The following MARK1 variants were observed in gnomAD, a reference collection of about 807,000 sequenced individuals.
The protein encoded by MARK1 is microtubule affinity regulating kinase 1.
MARK1 carries 40 observed loss-of-function variants against 96.3 expected under a neutral mutation model. That is an observed-to-expected ratio of 0.42 (90% confidence interval 0.32 to 0.54). The LOEUF (loss-of-function observed/expected upper bound fraction) is 0.54, where lower values mean the gene tolerates loss of function less well. Among genes scored for constraint, MARK1 ranks in the 20% least tolerant of loss-of-function variants. The pLI is 0.16. For synonymous variants in MARK1, 317 were observed against 341.2 expected (o/e 0.93, Z 0.78); for missense variants, 719 against 984.6 (o/e 0.73, Z 3.61).
At position 220,640,131 on chromosome 1, in the gene MARK1, G is replaced by A. The variant is rs776316898; in HGVS notation, c.1470+4105G>A. Among the ~76,000 whole-genome samples the A allele has an allele frequency of 3.8e-4, 58 of 152,274 alleles. 1 individual carries two copies. Among genetic ancestry groups the A allele is most frequent in the Middle Eastern group, 3.4e-3 (1 of 294 alleles). On this transcript the variant is annotated intron_variant, in intron 13 of 17. Coordinates refer to ENST00000366917, the MANE Select transcript of MARK1 (RefSeq NM_018650.5). ...TTTACAATTCAAGCCCTGTAATAGT[G>A]TAAAATATTGCCTGAACAAATGAAC...
intron 3 of MARK1, among the ~76,000 whole-genome samples, chr1:220,593,998 A>G (rs1413357028): frequency 2.0e-5 from 3 of 152,204 alleles, no homozygotes; most frequent in Non-Finnish European, 4.4e-5. Flanking sequence ...TTGAGGGAAT[A>G]TGACTTCTGG....
chr1:220,616,020 T>TAAAAAAAAA, intron 7 of MARK1, 25 bp downstream of exon 7: 1 of 857,240 alleles, frequency 1.2e-6, no homozygotes, highest in Non-Finnish European at 1.8e-6. Context: ...GTAATTTTTT[T>TAAAAAAAAA]AAAAAAAAAA....
intron 5 of MARK1, among the ~76,000 whole-genome samples, chr1:220,601,334 A>G (rs1665737817): frequency 6.6e-6 from 1 of 151,778 alleles, no homozygotes; most frequent in Admixed American, 6.6e-5. Flanking sequence ...GTCACCTGAA[A>G]AAAATATTTC....
chr1:220,650,732 A>C lies in MARK1; in HGVS notation c.1571+12A>C. On this transcript the variant is annotated intron_variant, in intron 14 of 17. Transcript: ENST00000366917. ...GGAAAAGACAGCAGGTAAATGCCACAGTGCCAAGTAGTAATACCTTTGCTG... is the reference window on the plus strand; with the variant it reads ...GGAAAAGACAGCAGGTAAATGCCACCGTGCCAAGTAGTAATACCTTTGCTG... 1.9e-6 allele frequency: 3 copies of C among 1,568,230 alleles called. No individual in the cohort carries two copies. The highest frequency in any genetic ancestry group is 1.8e-6 in the Non-Finnish European group (2 of 1,139,182).
At chr1:220,577,771 A>G (rs1558271323) in intron 1 of MARK1, among the ~76,000 whole-genome samples, 1 of 152,206 alleles carries the variant, frequency 6.6e-6, no homozygotes. Flanking sequence ...AAAATTGTTT[A>G]TAATAGGGTG....
chr1:220,552,290 T>C (rs551088273), intron 1 of MARK1, among the ~76,000 whole-genome samples: 2 of 152,294 alleles, frequency 1.3e-5, no homozygotes, highest in Middle Eastern at 6.8e-3. Context: ...ATTTTTTTAC[T>C]AATGGATCAC....
chr1:220,539,308 C>A (rs988229961), intron 1 of MARK1, among the ~76,000 whole-genome samples: 1 of 151,992 alleles, frequency 6.6e-6, no homozygotes, highest in Admixed American at 6.6e-5. Context: ...AAGGCCTTTT[C>A]TGCATCTATT....
rs1209344546 is a variant in MARK1, at chr1:220,618,694, A to C, written c.848A>C (p.Asp283Ala). The change falls in exon 9 of 18, where the codon GAC becomes GCC. Residue 283 changes from aspartate to alanine, a missense_variant. This residue lies in a region of MARK1 where 96 missense variants were observed against 213.1 expected (regional missense o/e 0.45). Coordinates refer to ENST00000366917, the MANE Select transcript of MARK1 (RefSeq NM_018650.5). The surrounding 1 kb of genome is among the most constrained non-coding windows in gnomAD (Gnocchi z 4.6). Reference sequence around the variant, plus strand: ...CGTATTCCCTTCTATATGTCCACAGACTGTGAAAATCTTCTGAAGAAATTA... The same window carrying C: ...CGTATTCCCTTCTATATGTCCACAGCCTGTGAAAATCTTCTGAAGAAATTA... ...KYRIPFYMSTDCENLLKKLLV... is the reference protein window; with the variant it reads ...KYRIPFYMSTACENLLKKLLV... 1 of 1,612,788 alleles carries C rather than the reference A, an allele frequency of 6.2e-7. No individual in the cohort carries two copies. Among genetic ancestry groups the C allele is most frequent in the Non-Finnish European group, 8.5e-7 (1 of 1,179,288 alleles).
chr1:220,545,638 C>T (rs1321130973), intron 1 of MARK1, among the ~76,000 whole-genome samples: 4 of 151,864 alleles, frequency 2.6e-5, no homozygotes. Flanking sequence ...GGAGTTTCGA[C>T]ATGTTGCCCA....
intron 1 of MARK1, among the ~76,000 whole-genome samples, chr1:220,560,544 G>C (rs1662598196): frequency 6.6e-6 from 1 of 152,128 alleles, no homozygotes; most frequent in South Asian, 2.1e-4. Context: ...GTAAAATAGA[G>C]TTACTCAAAC....
At chr1:220,534,819 C>T (rs910474134) in intron 1 of MARK1, among the ~76,000 whole-genome samples, 9 of 152,144 alleles carry the variant, frequency 5.9e-5, no homozygotes, top group Non-Finnish European at 8.8e-5. Flanking sequence ...GCACAATGCT[C>T]TTAAGGTTCA....
rs1472901451 is a variant in MARK1, at chr1:220,663,240, A to G, written c.*1074A>G. On this transcript the variant is annotated 3_prime_UTR_variant, in exon 18 of 18. Coordinates refer to ENST00000366917, the MANE Select transcript of MARK1 (RefSeq NM_018650.5). ...GACTTGTGAGCAAAACATACTATTT[A>G]TAACAGTATATGATTGATTTATGCT... 2 of 152,592 alleles carry G rather than the reference A, an allele frequency of 1.3e-5. No homozygotes were observed. Among genetic ancestry groups the G allele is most frequent in the Non-Finnish European group, 2.9e-5 (2 of 68,018 alleles). The allele number at this position is 152,592 out of a possible 1,614,324, so 9.5% of individuals were successfully genotyped here.
intron 2 of MARK1, 108 bp downstream of exon 2, chr1:220,579,665 A>T: frequency 1.2e-6 from 1 of 800,350 alleles, no homozygotes; most frequent in Non-Finnish European, 2.1e-6. Context: ...CAATATGATT[A>T]ACACTGGGGT....
rs375702185 is a variant in MARK1 at position 220,615,629 on chromosome 1, C to T, written c.496-310C>T. 7.9e-5 allele frequency among the ~76,000 whole-genome samples: 12 copies of T among 152,230 alleles called. No homozygotes were observed. The East Asian group carries it at 2.1e-3, about 27-fold the overall frequency. On this transcript the variant is annotated intron_variant, in intron 6 of 17. Transcript: ENST00000366917. ...ACTATAATAAACCATTTGGCCAAAA[C>T]TATAAATTGTACACATTCAGTCACA...
intron 6 of MARK1, among the ~76,000 whole-genome samples, chr1:220,606,274 G>C (rs1281161117): frequency 1.3e-5 from 2 of 152,200 alleles, no homozygotes; most frequent in African/African-American, 2.4e-5. Context: ...CTGATTACCA[G>C]TGATGTTGAG....
At position 220,654,865 on chromosome 1, in the gene MARK1, T is replaced by G. The variant is rs12070516; in HGVS notation, c.1988+1513T>G. 0.16 allele frequency among the ~76,000 whole-genome samples: 24,119 copies of G among 152,232 alleles called. 5,361 individuals are homozygous for G. Among genetic ancestry groups the G allele is most frequent in the African/African-American group, 0.5 (20,733 of 41,486 alleles). ...TAGACTCTAGGGGAAACAGAGTACT[T>G]TGGAAAGGAAGTCGTGAGATAGAAT... On this transcript the variant is annotated intron_variant, in intron 16 of 17. Coordinates refer to ENST00000366917, the MANE Select transcript of MARK1 (RefSeq NM_018650.5). The surrounding 1 kb of genome is among the most constrained non-coding windows in gnomAD (Gnocchi z 4.0).
At chr1:220,608,184 C>T (rs572202519) in intron 6 of MARK1, among the ~76,000 whole-genome samples, 5 of 152,144 alleles carry the variant, frequency 3.3e-5, no homozygotes, top group South Asian at 2.1e-4. Flanking sequence ...CATCTGGTCC[C>T]GGACTTTTTT....
In MARK1 at chr1:220,651,969, C is replaced by T; in HGVS notation, c.1572-17C>T. On this transcript the variant is annotated splice_polypyrimidine_tract_variant and intron_variant, in intron 14 of 17. Coordinates refer to ENST00000366917, the MANE Select transcript of MARK1 (RefSeq NM_018650.5). ...CTCTTTTTTTCCATGGTCTTCTCAA[C>T]TGCTTTATGGTGAAAGCCTTACGGA... 2 of 1,513,468 alleles carry T rather than the reference C, an allele frequency of 1.3e-6. No individual in the cohort carries two copies. Among genetic ancestry groups the T allele is most frequent in the Non-Finnish European group, 1.8e-6 (2 of 1,116,780 alleles). The allele number at this position is 1,513,468 out of a possible 1,614,324, so 93.8% of individuals were successfully genotyped here.
intron 5 of MARK1, among the ~76,000 whole-genome samples, chr1:220,600,323 G>A (rs796387838): frequency 9.2e-5 from 14 of 152,244 alleles, no homozygotes; most frequent in African/African-American, 3.4e-4. Context: ...AATTCATAAA[G>A]TGAATTAAAT....
Sources: allele counts gnomAD v4.1 joint callset (sites outside exome capture counted in the v4.1 genomes callset), GRCh38; gene constraint gnomAD v4.1.1; regional missense constraint gnomAD v4.1.1; non-coding constraint Gnocchi (gnomAD v3.1); transcripts MANE v1.5; gene names NCBI Gene and HGNC (gene_info 2026-07-23, HGNC 2026-07-21).